The following PNISR variants were observed in gnomAD, a reference collection of about 807,000 sequenced individuals.
PNISR encodes the protein PNN interacting serine and arginine rich protein, also known as arginine/serine-rich protein PNISR.
In PNISR, 20 loss-of-function variants were observed where a neutral mutation model predicts 93.4. The observed-to-expected ratio is 0.21, with a 90% CI of 0.15 to 0.31. PNISR has a LOEUF of 0.31. Among genes scored for constraint, PNISR ranks in the 10% least tolerant of loss-of-function variants. The pLI, the probability that PNISR is intolerant of heterozygous loss-of-function variation, is 1.00. For missense variants in PNISR, 893 were observed against 985.4 expected, an observed-to-expected ratio of 0.91 and a Z score of 1.25; for synonymous variants, 305 against 306.5, an observed-to-expected ratio of 0.99 and a Z score of 0.05.
intron 4 of PNISR, among the ~76,000 whole-genome samples, chr6:99,411,500 TA>T (rs1372748441): frequency 6.6e-6 from 1 of 152,178 alleles, no homozygotes; most frequent in East Asian, 1.9e-4. Context: ...ACTTAGGAAC[TA>T]AAACATTTTC....
At chr6:99,411,419 C>A (rs191559054) in intron 4 of PNISR, among the ~76,000 whole-genome samples, 57 of 152,234 alleles carry the variant, frequency 3.7e-4, no homozygotes, top group Admixed American at 9.2e-4. Flanking sequence ...AGGTAAATCA[C>A]TTGCCCAGGG....
At chr6:99,417,604 T>C (rs1777867543) in intron 1 of PNISR, among the ~76,000 whole-genome samples, 1 of 152,144 alleles carries the variant, frequency 6.6e-6, no homozygotes, top group African/African-American at 2.4e-5. Context: ...TTAATATCAA[T>C]ACTAGAGCTT....
chr6:99,408,039 C>A, intron 7 of PNISR, 42 bp downstream of exon 7: 1 of 1,450,130 alleles, frequency 6.9e-7, no homozygotes, highest in Non-Finnish European at 9.4e-7. Flanking sequence ...TTCACACAAC[C>A]AAGATTTTCA....
In PNISR at chr6:99,414,652, T is replaced by C; in HGVS notation, c.8A>G (p.Asp3Gly). Residue 3 changes from aspartate to glycine, a missense_variant, in exon 3 of 12, where the codon GAT (aspartate) becomes GGT (glycine). Asp to Gly is a moderately conservative substitution (Grantham distance 94, BLOSUM62 -1). Around this residue, in one of 3 missense-constraint regions of PNISR, gnomAD observed 24 missense variants for 32.9 expected, o/e 0.73. Transcript: ENST00000369239. ...CTGCTGCCAAGGCTGTCCTCCTTGA[T>C]CCCACATCCCTTCTTTTAAAATATA... is the stretch of plus-strand genomic sequence containing the variant. MW[D>G]QGGQPWQQWP... is the part of the protein sequence containing the mutation. 8 of 1,591,752 alleles carry C rather than the reference T, an allele frequency of 5.0e-6. No individual in the cohort carries two copies. The highest frequency in any genetic ancestry group is 6.9e-6 in the Non-Finnish European group (8 of 1,163,582).
chr6:99,408,263 T>C lies in PNISR; in HGVS notation c.682A>G (p.Lys228Glu). 1 of 1,603,356 alleles carries C rather than the reference T, an allele frequency of 6.2e-7. No homozygotes were observed. Among genetic ancestry groups the C allele is most frequent in the Non-Finnish European group, 8.5e-7 (1 of 1,175,208 alleles). ...ATCCAAGCGGGAAGAGTCCTGCGTTTTACTGCGTCTGTTTCACGTGGGAAA... is the reference window on the plus strand; with the variant it reads ...ATCCAAGCGGGAAGAGTCCTGCGTTCTACTGCGTCTGTTTCACGTGGGAAA... ...KQEPPQIDAV[K>E]RRTLPAWIRE... Residue 228 changes from lysine (K) to glutamate (E), a missense_variant, in exon 7 of 12, where the codon AAA becomes GAA. Around this residue, in one of 3 missense-constraint regions of PNISR, gnomAD observed 866 missense variants for 935.1 expected, o/e 0.93. Transcript: ENST00000369239.
At chr6:99,418,640 C>A (rs951259704) in intron 1 of PNISR, among the ~76,000 whole-genome samples, 18 of 151,812 alleles carry the variant, frequency 1.2e-4, no homozygotes, top group African/African-American at 2.4e-5. Flanking sequence ...ATGTTTGGGA[C>A]ACTTAGGCTG....
intron 4 of PNISR, among the ~76,000 whole-genome samples, chr6:99,411,568 A>G (rs1776914340): frequency 1.3e-5 from 2 of 152,058 alleles, no homozygotes; most frequent in African/African-American, 2.4e-5. Flanking sequence ...TCACAGTATC[A>G]AAGACTAGAA....
intron 1 of PNISR, 25 bp downstream of exon 1, chr6:99,425,190 C>G (rs961427716): frequency 8.2e-7 from 1 of 1,225,550 alleles, no homozygotes; most frequent in African/African-American, 1.6e-5. Context: ...CAAGTGCCCA[C>G]GTATAATTGT....
chr6:99,401,457 C>G lies in PNISR; in HGVS notation c.1501G>C (p.Glu501Gln). Residue 501 changes from glutamate to glutamine, a missense_variant, in exon 12 of 12, where the codon GAA becomes CAA. Physicochemically the swap from Glu to Gln is conservative, Grantham distance 29. Around this residue, in one of 3 missense-constraint regions of PNISR, gnomAD observed 866 missense variants for 935.1 expected, o/e 0.93. Transcript: ENST00000369239. Reference protein sequence around the residue: ...SVLEPKKEHKEKEKQGRSRSG... With the variant: ...SVLEPKKEHKQKEKQGRSRSG... The stretch of plus-strand genomic sequence containing the variant: ...CTACTCCTTCCTTGTTTTTCTTTTT[C>G]TTTATGCTCTTTTTTTGGTTCTAAA... The G allele has an allele frequency of 4.3e-6, 7 of 1,609,528 alleles. No individual in the cohort carries two copies. Among genetic ancestry groups the G allele is most frequent in the Non-Finnish European group, 5.9e-6 (7 of 1,178,722 alleles).
rs150198583 is a variant in PNISR, at chr6:99,408,720, TATA to T, written c.673+450_674-450del. Among the ~76,000 whole-genome samples the T allele has an allele frequency of 7.1e-3, 1,084 of 152,340 alleles. 20 individuals are homozygous for T. The highest frequency in any genetic ancestry group is 0.025 in the African/African-American group (1,042 of 41,572). Reference sequence around the variant, plus strand: ...TTTGTCACTTGAAATAGGCTGGCTCTATAATGTTATTTAAAAAATTGAAATTTT... The same window carrying T: ...TTTGTCACTTGAAATAGGCTGGCTCTATGTTATTTAAAAAATTGAAATTTT... On this transcript the variant is annotated intron_variant, in intron 6 of 11. Transcript: ENST00000369239.
intron 6 of PNISR, among the ~76,000 whole-genome samples, chr6:99,408,675 T>C (rs1000982687): frequency 6.6e-6 from 1 of 152,212 alleles, no homozygotes; most frequent in African/African-American, 2.4e-5. Context: ...TTTCCAGATA[T>C]AAAGTGGCAT....
intron 2 of PNISR, chr6:99,414,985 G>T (rs557635347): frequency 4.9e-5 from 8 of 163,698 alleles, no homozygotes; most frequent in African/African-American, 1.9e-4. Context: ...TAATTATTTT[G>T]AAGATTGTAG....
chr6:99,402,237 T>C (rs1267904318), intron 11 of PNISR, among the ~76,000 whole-genome samples: 1 of 152,236 alleles, frequency 6.6e-6, no homozygotes, highest in African/African-American at 2.4e-5. Flanking sequence ...ATTATCCTTA[T>C]ATATCCTAGC....
rs1276729018 is a variant in PNISR at position 99,408,104 on chromosome 6, G to A, written c.841C>T (p.Arg281Cys). 19 of 1,602,488 alleles carry A rather than the reference G, an allele frequency of 1.2e-5. No homozygotes were observed. The highest frequency in any genetic ancestry group is 1.7e-5 in the Admixed American group (1 of 57,146). Reference protein sequence around the residue: ...TEDAEGGDGPRLPQRSKFDSD... With the variant: ...TEDAEGGDGPCLPQRSKFDSD... ...ACAAATTTACTTCTCTGAGGTAAACGAGGGCCATCCCCTCCTTCAGCATCT... is the reference window on the plus strand; with the variant it reads ...ACAAATTTACTTCTCTGAGGTAAACAAGGGCCATCCCCTCCTTCAGCATCT... The change falls in exon 7 of 12, where the codon CGT (arginine) becomes TGT (cysteine). Residue 281 changes from arginine (R) to cysteine (C), a missense_variant. By Grantham distance (180) the Arg-to-Cys change is radical (BLOSUM62 -3). Transcript: ENST00000369239.
At chr6:99,409,552 C>T (rs1776627786) in intron 5 of PNISR, 1 of 428,214 alleles carries the variant, frequency 2.3e-6, no homozygotes, top group South Asian at 4.9e-5. Context: ...TGCAAAGAGG[C>T]TTCTAAAAGC....
intron 1 of PNISR, among the ~76,000 whole-genome samples, chr6:99,424,328 G>A (rs914792985): frequency 1.3e-5 from 2 of 152,020 alleles, no homozygotes; most frequent in African/African-American, 2.4e-5. Context: ...TTAATAAGAA[G>A]ATAAACTGTG....
Position 99,401,109 on chromosome 6 carries a change from G to A in PNISR, c.1849C>T (p.Arg617Cys), listed in dbSNP as rs758404226. ...RRNRSPSRER[R>C]RSRSRSRDRR... is the part of the protein sequence containing the mutation. ...TCCCTTGAGCGACTTCTACTTCTAC[G>A]TCTCTCTCGGGAAGGACTCCGATTT... The change falls in exon 12 of 12, where the codon CGT becomes TGT. Residue 617 changes from arginine to cysteine, a missense_variant. Physicochemically the swap from Arg to Cys is radical, Grantham distance 180. Transcript: ENST00000369239. 6.8e-6 allele frequency: 11 copies of A among 1,613,648 alleles called. No homozygotes were observed. The highest frequency in any genetic ancestry group is 5.0e-5 in the Admixed American group (3 of 59,978).
intron 1 of PNISR, among the ~76,000 whole-genome samples, chr6:99,424,206 G>C: frequency 6.6e-6 from 1 of 152,110 alleles, no homozygotes; most frequent in East Asian, 1.9e-4. Flanking sequence ...TCCTGGAACA[G>C]AAAAAGGACT....
chr6:99,419,152 C>CAAAAAAAAAAAAA lies in PNISR; in HGVS notation c.-111-2737_-111-2725dup, dbSNP rs1166838873. Among the ~76,000 whole-genome samples, 47 of 19,824 alleles carry CAAAAAAAAAAAAA rather than the reference C, an allele frequency of 2.4e-3. 15 individuals carry two copies. Among genetic ancestry groups the CAAAAAAAAAAAAA allele is most frequent in the Non-Finnish European group, 3.8e-3 (40 of 10,406 alleles). 13.0% of individuals were successfully genotyped at this position (19,824 alleles called of 152,430 possible). On this transcript the variant is annotated intron_variant, in intron 1 of 11. Coordinates refer to ENST00000369239, the MANE Select transcript of PNISR (RefSeq NM_032870.4). ...TGGGTGCCAGAGCGAGACTCCGTCT[C>CAAAAAAAAAAAAA]AAAAAAAAAAAAAAAAAAAAAAAAA...
Sources: gnomAD v4.1 joint callset for allele counts (sites outside exome capture counted in the v4.1 genomes callset) on GRCh38, gnomAD v4.1.1 for gene constraint, gnomAD v4.1.1 regional missense constraint, MANE v1.5 for transcripts, NCBI Gene and HGNC (gene_info 2026-07-23, HGNC 2026-07-21) for gene names.